Variants in CDH12 observed in about 807,000 individuals in gnomAD.
The protein encoded by CDH12 is cadherin 12.
CDH12 carries 41 observed loss-of-function variants against 74.1 expected under a neutral mutation model. That is an observed-to-expected ratio of 0.55 (90% confidence interval 0.43 to 0.72). The LOEUF is 0.72. Among genes scored for constraint, CDH12 ranks in the 30% least tolerant of loss-of-function variants. The probability of loss-of-function intolerance (pLI) is 0.00; values close to 1 mark genes in which losing one functional copy is unlikely to be tolerated. For synonymous variants in CDH12, 399 were observed against 355.0 expected (o/e 1.12, Z -1.39); for missense variants, 945 against 977.2 (o/e 0.97, Z 0.44).
Position 22,153,870 on chromosome 5 carries a change from A to ATATATT in CDH12, c.-187+58627_-187+58628insAATATA, listed in dbSNP as rs754788253. On this transcript the variant is annotated intron_variant, in intron 4 of 14. Transcript: ENST00000382254. ...TATATGTGTGTGTGTATATATATAT[A>ATATATT]TGTATATATATATATATAAATATAT... Among the ~76,000 whole-genome samples, 7 of 84,012 alleles carry ATATATT rather than the reference A, an allele frequency of 8.3e-5. No homozygotes were observed. The South Asian group carries it at 1.5e-3, about 18-fold the overall frequency. 55.1% of individuals were successfully genotyped at this position (84,012 alleles called of 152,430 possible). A position where few individuals can be genotyped will look rare whatever the true frequency, so the allele number is the denominator to read the frequency against.
chr5:22,559,477 CA>C (rs1580764664), intron 1 of CDH12, among the ~76,000 whole-genome samples: 2 of 152,046 alleles, frequency 1.3e-5, no homozygotes, highest in East Asian at 3.9e-4. Context: ...AACATATGCA[CA>C]TTTTCTATAC....
At chr5:22,064,607 TTGC>T (rs1741433754) in intron 5 of CDH12, among the ~76,000 whole-genome samples, 1 of 152,146 alleles carries the variant, frequency 6.6e-6, no homozygotes, top group Non-Finnish European at 1.5e-5. Flanking sequence ...AACCAAAGTC[TTGC>T]AAGAGCGAAG....
intron 5 of CDH12, among the ~76,000 whole-genome samples, chr5:21,998,831 T>C (rs922367901): frequency 8.6e-5 from 13 of 152,002 alleles, no homozygotes; most frequent in Non-Finnish European, 1.8e-4. Context: ...GGCTCTGTCT[T>C]TCTTTGTTCT....
At chr5:22,401,871 G>T (rs1171307353) in intron 3 of CDH12, among the ~76,000 whole-genome samples, 2 of 152,194 alleles carry the variant, frequency 1.3e-5, no homozygotes, top group Non-Finnish European at 1.5e-5. Flanking sequence ...GGAGAAGGAA[G>T]AAGAGATTGG....
intron 2 of CDH12, among the ~76,000 whole-genome samples, chr5:22,473,160 T>C (rs11740336): frequency 0.55 from 83,196 of 151,748 alleles, 23,001 homozygotes; most frequent in Admixed American, 0.69. Flanking sequence ...TTCCTCAATT[T>C]TGAATATGAC....
chr5:22,247,601 G>T (rs1374437814), intron 3 of CDH12, among the ~76,000 whole-genome samples: 1 of 152,032 alleles, frequency 6.6e-6, no homozygotes, highest in African/African-American at 2.4e-5. Flanking sequence ...CTTGAACCTG[G>T]GAGACAGAGG....
At chr5:22,085,129 T>G (rs1210410192) in intron 4 of CDH12, among the ~76,000 whole-genome samples, 1 of 152,136 alleles carries the variant, frequency 6.6e-6, no homozygotes, top group Non-Finnish European at 1.5e-5. Flanking sequence ...ACTTCTTAAC[T>G]CGGATGATGA....
chr5:22,208,417 T>C (rs556974315), intron 4 of CDH12, among the ~76,000 whole-genome samples: 2 of 152,362 alleles, frequency 1.3e-5, no homozygotes, highest in East Asian at 3.9e-4. Flanking sequence ...TAGGGTAATT[T>C]AGAAAATGTA....
intron 3 of CDH12, among the ~76,000 whole-genome samples, chr5:22,346,743 T>C (rs969262591): frequency 2.6e-5 from 4 of 152,176 alleles, no homozygotes; most frequent in Non-Finnish European, 4.4e-5. Flanking sequence ...TACGAGCTCT[T>C]GCTAAAGGGA....
chr5:22,570,796 C>T (rs1472557253), intron 1 of CDH12, among the ~76,000 whole-genome samples: 4 of 151,850 alleles, frequency 2.6e-5, no homozygotes, highest in Middle Eastern at 3.4e-3. Flanking sequence ...TGACTTCTCT[C>T]TAGCTATGAA....
chr5:22,531,841 T>C (rs1737596017), intron 1 of CDH12, among the ~76,000 whole-genome samples: 1 of 152,072 alleles, frequency 6.6e-6, no homozygotes, highest in South Asian at 2.1e-4. Context: ...AGATCCCAAA[T>C]TCCCTATGAT....
Position 22,560,871 on chromosome 5 carries a change from ATGCTTACTAG to A in CDH12, c.-522-55517_-522-55508del, listed in dbSNP as rs549840575. Among the ~76,000 whole-genome samples the A allele has an allele frequency of 3.8e-4, 58 of 152,294 alleles. 1 individual carries two copies. In the South Asian group the frequency reaches 0.012, roughly 30 times the overall value. On this transcript the variant is annotated intron_variant, in intron 1 of 14. Transcript: ENST00000382254. ...GTTTAACAAAAGCAAGATGAATTGT[ATGCTTACTAG>A]AGTAGAATGCTATTTTGTGCATAAT...
At chr5:22,040,212 CA>C (rs1308288320) in intron 5 of CDH12, among the ~76,000 whole-genome samples, 1 of 151,472 alleles carries the variant, frequency 6.6e-6, no homozygotes, top group African/African-American at 2.4e-5. Flanking sequence ...ACAGGTCAAG[CA>C]GAAGAAACAA....
At chr5:21,866,430 G>A (rs1181746533) in intron 6 of CDH12, among the ~76,000 whole-genome samples, 1 of 152,190 alleles carries the variant, frequency 6.6e-6, no homozygotes. Context: ...ATGAAATCCA[G>A]GCTGAGGTGG....
At chr5:22,028,386 T>G (rs1435285107) in intron 5 of CDH12, among the ~76,000 whole-genome samples, 1 of 152,178 alleles carries the variant, frequency 6.6e-6, no homozygotes, top group Non-Finnish European at 1.5e-5. Flanking sequence ...CAAAATCTCC[T>G]TAAGCTGATA....
At chr5:22,766,082 A>G (rs1042029407) in intron 1 of CDH12, among the ~76,000 whole-genome samples, 13 of 152,006 alleles carry the variant, frequency 8.6e-5, no homozygotes, top group Admixed American at 1.3e-4. Context: ...GATACAATTT[A>G]ACATCTACCA....
chr5:22,201,937 A>G (rs573647805), intron 4 of CDH12, among the ~76,000 whole-genome samples: 28 of 151,794 alleles, frequency 1.8e-4, no homozygotes, highest in African/African-American at 6.3e-4. Flanking sequence ...AAAGGACCAC[A>G]TGTTAATTGG....
intron 2 of CDH12, among the ~76,000 whole-genome samples, chr5:22,480,715 T>C (rs1198013379): frequency 1.3e-5 from 2 of 152,180 alleles, no homozygotes; most frequent in Admixed American, 6.5e-5. Context: ...TCCAAAGGTG[T>C]TGCCGATCAA....
intron 1 of CDH12, among the ~76,000 whole-genome samples, chr5:22,558,706 T>C (rs886712951): frequency 5.3e-5 from 8 of 151,972 alleles, no homozygotes; most frequent in Middle Eastern, 3.4e-3. Flanking sequence ...AAAATAAGTC[T>C]CCAATGAATA....
Sources: gnomAD v4.1 joint callset for allele counts (sites outside exome capture counted in the v4.1 genomes callset) on GRCh38, gnomAD v4.1.1 for gene constraint, MANE v1.5 for transcripts, NCBI Gene and HGNC (gene_info 2026-07-23, HGNC 2026-07-21) for gene names.